Variants in SLC4A4 observed in about 807,000 individuals in gnomAD.
The protein encoded by SLC4A4 is electrogenic sodium bicarbonate cotransporter 1.
SLC4A4 carries 27 observed loss-of-function variants against 111.5 expected under a neutral mutation model. That is an observed-to-expected ratio of 0.24 (90% CI 0.18 to 0.33). The LOEUF is 0.33. Ranked by LOEUF, SLC4A4 falls within the 10% of genes least tolerant of loss-of-function variation. The pLI is 1.00. For synonymous variants in SLC4A4, 443 were observed against 463.4 expected (o/e 0.96, Z 0.57); for missense variants, 909 against 1,315.5 (o/e 0.69, Z 4.78).
chr4:71,277,837 T>C (rs1302143309), intron 3 of SLC4A4, among the ~76,000 whole-genome samples: 2 of 152,164 alleles, frequency 1.3e-5, no homozygotes, highest in Non-Finnish European at 2.9e-5. Flanking sequence ...TAAAACTATA[T>C]AAATTTAAGG....
chr4:71,550,339 A>G (rs1014545905), intron 20 of SLC4A4, among the ~76,000 whole-genome samples: 3 of 151,948 alleles, frequency 2.0e-5, no homozygotes, highest in African/African-American at 7.2e-5. Flanking sequence ...CAGATTATGT[A>G]CCATTGAGGT....
chr4:71,359,065 A>G (rs1730534028), intron 6 of SLC4A4, among the ~76,000 whole-genome samples: 1 of 152,234 alleles, frequency 6.6e-6, no homozygotes, highest in African/African-American at 2.4e-5. Flanking sequence ...CTTCATTTCC[A>G]TGGAACTGCA....
chr4:71,267,794 A>AAAAAAAAAAAAAGAAAAAAAAAAAAAAAG (rs1303916841), intron 3 of SLC4A4, among the ~76,000 whole-genome samples: 1 of 21,676 alleles, frequency 4.6e-5, no homozygotes, highest in Admixed American at 9.2e-4. Flanking sequence ...AGTCTGCCAA[A>AAAAAAAAAAAAAGAAAAAAAAAAAAAAAG]AAAAAAAAAA....
At chr4:71,213,592 G>C (rs771860115) in intron 1 of SLC4A4, among the ~76,000 whole-genome samples, 1 of 152,142 alleles carries the variant, frequency 6.6e-6, no homozygotes, top group Non-Finnish European at 1.5e-5. Flanking sequence ...AAGATGAAAA[G>C]GTGAGAAGAA....
chr4:71,244,664 C>T (rs997564590), intron 2 of SLC4A4, among the ~76,000 whole-genome samples: 2 of 152,112 alleles, frequency 1.3e-5, no homozygotes, highest in African/African-American at 4.8e-5. Flanking sequence ...GCTGTGACTG[C>T]AGAACACTTT....
At chr4:71,254,946 C>T (rs1721332846) in intron 2 of SLC4A4, among the ~76,000 whole-genome samples, 1 of 152,098 alleles carries the variant, frequency 6.6e-6, no homozygotes, top group South Asian at 2.1e-4. Context: ...TTCCTGATTT[C>T]CAGTTTGATA....
At chr4:71,281,496 A>G (rs943267439) in intron 3 of SLC4A4, among the ~76,000 whole-genome samples, 2 of 152,192 alleles carry the variant, frequency 1.3e-5, no homozygotes, top group Non-Finnish European at 2.9e-5. Context: ...TGTAAAAACA[A>G]GGGGCCTTGA....
intron 12 of SLC4A4, among the ~76,000 whole-genome samples, chr4:71,459,191 C>G (rs12511966): frequency 1.3e-5 from 2 of 151,702 alleles, no homozygotes; most frequent in African/African-American, 4.8e-5. Flanking sequence ...CACCCTATTT[C>G]CTTGATGATC....
intron 19 of SLC4A4, 91 bp from the exon 20 acceptor site, chr4:71,547,557 T>A: frequency 9.9e-7 from 1 of 1,008,110 alleles, no homozygotes; most frequent in Non-Finnish European, 1.6e-6. Context: ...AACATTGATT[T>A]TGTCAATGTG....
At chr4:71,551,277 A>G (rs923009722) in intron 20 of SLC4A4, among the ~76,000 whole-genome samples, 1 of 151,910 alleles carries the variant, frequency 6.6e-6, no homozygotes, top group African/African-American at 2.4e-5. Context: ...TATCTTTAAG[A>G]TTTGTTTAGT....
chr4:71,295,031 G>C (rs959356524), intron 3 of SLC4A4, among the ~76,000 whole-genome samples: 1 of 152,108 alleles, frequency 6.6e-6, no homozygotes, highest in Non-Finnish European at 1.5e-5. Flanking sequence ...AAGGCATAAG[G>C]TATACTTTTT....
intron 2 of SLC4A4, among the ~76,000 whole-genome samples, chr4:71,138,887 T>G (rs991671216): frequency 4.6e-5 from 7 of 151,846 alleles, no homozygotes; most frequent in African/African-American, 1.5e-4. Flanking sequence ...ATATAAAAAA[T>G]TAGCCAGGCG....
chr4:71,170,289 C>T (rs569750727), intron 2 of SLC4A4, among the ~76,000 whole-genome samples: 14 of 152,256 alleles, frequency 9.2e-5, no homozygotes, highest in Non-Finnish European at 1.5e-4. Context: ...CTTGCTCATC[C>T]CTGTTTCTTC....
chr4:71,073,294 C>G (rs1235528442), intron 1 of SLC4A4, among the ~76,000 whole-genome samples: 1 of 152,064 alleles, frequency 6.6e-6, no homozygotes, highest in Non-Finnish European at 1.5e-5. Flanking sequence ...TGGCTACTAT[C>G]TTTTCCAGAG....
At chr4:71,524,647 T>C (rs1251931267) in intron 16 of SLC4A4, among the ~76,000 whole-genome samples, 1 of 152,080 alleles carries the variant, frequency 6.6e-6, no homozygotes, top group African/African-American at 2.4e-5. Flanking sequence ...CTACTATTAA[T>C]GCTTTTTTTT....
chr4:71,198,231 C>T (rs916103622), intron 1 of SLC4A4, among the ~76,000 whole-genome samples: 23 of 152,260 alleles, frequency 1.5e-4, no homozygotes, highest in African/African-American at 3.1e-4. Flanking sequence ...TATATTGAGA[C>T]GTTTTAGAAC....
At chr4:71,366,924 C>T (rs1731390504) in intron 6 of SLC4A4, among the ~76,000 whole-genome samples, 2 of 152,216 alleles carry the variant, frequency 1.3e-5, no homozygotes, top group Admixed American at 1.3e-4. Context: ...GTGCAAGTCT[C>T]AGCTTTCATG....
chr4:71,355,951 A>G (rs1376391902), intron 5 of SLC4A4, among the ~76,000 whole-genome samples: 1 of 152,250 alleles, frequency 6.6e-6, no homozygotes, highest in African/African-American at 2.4e-5. Context: ...TGTACCAGAA[A>G]GGGAGCCATG....
intron 1 of SLC4A4, among the ~76,000 whole-genome samples, chr4:71,090,467 T>C (rs1742354731): frequency 6.6e-6 from 1 of 152,194 alleles, no homozygotes; most frequent in Middle Eastern, 3.2e-3. Context: ...AATGCAGAAA[T>C]CACCCGTCTT....
Sources: allele counts gnomAD v4.1 joint callset (sites outside exome capture counted in the v4.1 genomes callset), GRCh38; gene constraint gnomAD v4.1.1; transcripts MANE v1.5; gene names NCBI Gene and HGNC (gene_info 2026-07-23, HGNC 2026-07-21).